Variants in KCNJ16 observed in about 807,000 individuals in gnomAD.
KCNJ16 encodes the protein potassium inwardly rectifying channel subfamily J member 16, also known as inward rectifier potassium channel 16.
A neutral mutation model predicts 18.5 loss-of-function variants in KCNJ16; 15 were observed. That is an observed-to-expected ratio of 0.81 (90% CI 0.54 to 1.25). KCNJ16 has a LOEUF of 1.25. KCNJ16 is among the 50% of genes most tolerant of loss of function. The probability of loss-of-function intolerance (pLI) is 0.00; values close to 1 mark genes in which losing one functional copy is unlikely to be tolerated. For missense variants in KCNJ16, 523 were observed against 525.7 expected, an observed-to-expected ratio of 0.99 and a Z score of 0.05; for synonymous variants, 174 against 186.5, an observed-to-expected ratio of 0.93 and a Z score of 0.55.
At chr17:70,126,361 T>C (rs2073855744) in intron 2 of KCNJ16, among the ~76,000 whole-genome samples, 1 of 152,130 alleles carries the variant, frequency 6.6e-6, no homozygotes, top group African/African-American at 2.4e-5. Context: ...ACCCAGCAGG[T>C]CTGAGCTTCA....
intron 1 of KCNJ16, among the ~76,000 whole-genome samples, chr17:70,082,949 C>T (rs886360630): frequency 6.6e-6 from 1 of 151,990 alleles, no homozygotes; most frequent in African/African-American, 2.4e-5. Flanking sequence ...GTTTCTTCAT[C>T]TACAAAATAA....
intron 2 of KCNJ16, among the ~76,000 whole-genome samples, chr17:70,117,543 G>T (rs2073460237): frequency 6.6e-6 from 1 of 152,124 alleles, no homozygotes; most frequent in Non-Finnish European, 1.5e-5. Flanking sequence ...TATCACCTTT[G>T]TGTTTTCTGT....
chr17:70,110,523 T>G (rs909334399), intron 2 of KCNJ16, among the ~76,000 whole-genome samples: 1 of 148,212 alleles, frequency 6.7e-6, no homozygotes, highest in Non-Finnish European at 1.5e-5. Context: ...CGGCATCCAG[T>G]CTTTATGATG....
At position 70,088,235 on chromosome 17, in the gene KCNJ16, G is replaced by A. The variant is rs190312681; in HGVS notation, c.-299-12423G>A. On this transcript the variant is annotated intron_variant, in intron 1 of 3. Coordinates refer to ENST00000392671, the MANE Select transcript of KCNJ16 (RefSeq NM_170741.4). ...TTTTTTTCACGGATGGAGGAGAGAG[G>A]GGATATGAAACTGTTCCATCTCAGA... is the stretch of plus-strand genomic sequence containing the variant. 6.9e-4 allele frequency among the ~76,000 whole-genome samples: 105 copies of A among 152,156 alleles called. 1 individual carries two copies. Among genetic ancestry groups the A allele is most frequent in the Non-Finnish European group, 1.2e-3 (80 of 68,014 alleles).
intron 1 of KCNJ16, among the ~76,000 whole-genome samples, chr17:70,077,792 A>C (rs549647870): frequency 6.6e-6 from 1 of 151,472 alleles, no homozygotes; most frequent in Non-Finnish European, 1.5e-5. Context: ...ATCTTCTGAG[A>C]TGTCTATGGG....
chr17:70,103,340 A>AT (rs1398598427), intron 2 of KCNJ16, among the ~76,000 whole-genome samples: 3 of 64,518 alleles, frequency 4.6e-5, no homozygotes, highest in African/African-American at 1.6e-4. Context: ...ATATATATAT[A>AT]TTTTTTTGTC....
At chr17:70,128,549 C>T (rs1273263088) in intron 2 of KCNJ16, 1 of 152,142 alleles carries the variant, frequency 6.6e-6, no homozygotes, top group Non-Finnish European at 1.5e-5. Flanking sequence ...CTTCTCTAGC[C>T]TCATCTATAA....
At chr17:70,130,800 T>G (rs892446792) in intron 2 of KCNJ16, 79 bp from the exon 3 acceptor site, 2 of 675,576 alleles carry the variant, frequency 3.0e-6, no homozygotes, top group Non-Finnish European at 5.2e-6. Context: ...ACAGGTAGAC[T>G]GTGAAAAACA....
At chr17:70,078,519 G>C (rs140744890) in intron 1 of KCNJ16, among the ~76,000 whole-genome samples, 28 of 152,260 alleles carry the variant, frequency 1.8e-4, no homozygotes, top group African/African-American at 6.0e-4. Flanking sequence ...CAAATATTCA[G>C]TTATCTTTTT....
intron 1 of KCNJ16, among the ~76,000 whole-genome samples, chr17:70,087,647 T>C (rs552632384): frequency 6.6e-6 from 1 of 151,964 alleles, no homozygotes; most frequent in African/African-American, 2.4e-5. Context: ...GCAGAGGTTG[T>C]GGTGGGCCGA....
intron 1 of KCNJ16, among the ~76,000 whole-genome samples, chr17:70,093,158 G>GC (rs2072201846): frequency 6.6e-6 from 1 of 152,196 alleles, no homozygotes; most frequent in Non-Finnish European, 1.5e-5. Flanking sequence ...CCTTTTGGAC[G>GC]CAAGTGTGGA....
chr17:70,088,541 A>G (rs1349730971), intron 1 of KCNJ16, among the ~76,000 whole-genome samples: 5 of 152,216 alleles, frequency 3.3e-5, no homozygotes, highest in South Asian at 2.1e-4. Context: ...CAACCAACTC[A>G]TAACAGGCAC....
chr17:70,078,943 A>T (rs984545471), intron 1 of KCNJ16, among the ~76,000 whole-genome samples: 42 of 152,150 alleles, frequency 2.8e-4, no homozygotes, highest in Admixed American at 3.9e-4. Flanking sequence ...ACTCTATTAC[A>T]CGATTTTCCA....
intron 2 of KCNJ16, among the ~76,000 whole-genome samples, chr17:70,102,794 G>C (rs1018578864): frequency 6.6e-6 from 1 of 152,046 alleles, no homozygotes; most frequent in Non-Finnish European, 1.5e-5. Flanking sequence ...AGTCAAATCA[G>C]GCATTTATCT....
intron 1 of KCNJ16, among the ~76,000 whole-genome samples, chr17:70,077,636 A>C (rs144449381): frequency 6.6e-6 from 1 of 151,822 alleles, no homozygotes; most frequent in African/African-American, 2.4e-5. Context: ...ACAGAATTAG[A>C]AGTCTTTCTC....
intron 2 of KCNJ16, 173 bp downstream of exon 2, chr17:70,100,939 G>A (rs930052645): frequency 4.6e-5 from 7 of 152,138 alleles, no homozygotes; most frequent in Non-Finnish European, 7.4e-5. Context: ...TACAAACATT[G>A]CTTCCTTTTG....
intron 1 of KCNJ16, among the ~76,000 whole-genome samples, chr17:70,096,443 G>A (rs1598112731): frequency 7.2e-6 from 1 of 139,176 alleles, no homozygotes; most frequent in Non-Finnish European, 1.5e-5. Flanking sequence ...GCATGGAAAA[G>A]TATTATGAAC....
chr17:70,119,640 A>G (rs911670430), intron 2 of KCNJ16, among the ~76,000 whole-genome samples: 3 of 152,174 alleles, frequency 2.0e-5, no homozygotes, highest in African/African-American at 7.2e-5. Flanking sequence ...CCTTTGAGCT[A>G]AGGCTGGAGC....
chr17:70,092,539 TATAG>T (rs752708256), intron 1 of KCNJ16, among the ~76,000 whole-genome samples: 9 of 106,134 alleles, frequency 8.5e-5, no homozygotes, highest in South Asian at 6.8e-4. Context: ...GACAGATAGA[TATAG>T]ATAGATATAG....
Sources: allele counts gnomAD v4.1 joint callset (sites outside exome capture counted in the v4.1 genomes callset), GRCh38; gene constraint gnomAD v4.1.1; transcripts MANE v1.5; gene names NCBI Gene and HGNC (gene_info 2026-07-23, HGNC 2026-07-21).